STON2: variants seen among roughly 807,000 people sequenced by gnomAD.
The protein encoded by STON2 is stonin 2, also known as stonin-2.
In STON2, 29 loss-of-function variants were observed where a neutral mutation model predicts 65.7. The observed-to-expected ratio is 0.44, with a 90% CI of 0.33 to 0.60. The LOEUF is 0.60. STON2 is among the 20% of genes least tolerant of loss of function. The probability of loss-of-function intolerance (pLI) is 0.03; values close to 1 mark genes in which losing one functional copy is unlikely to be tolerated. For synonymous variants in STON2, 404 were observed against 414.2 expected (o/e 0.98, Z 0.30); for missense variants, 1,054 against 1,118.1 (o/e 0.94, Z 0.82).
intron 5 of STON2, among the ~76,000 whole-genome samples, chr14:81,310,049 T>TA (rs1482274735): frequency 6.6e-6 from 1 of 152,180 alleles, no homozygotes; most frequent in African/African-American, 2.4e-5. Flanking sequence ...TTCCACACTT[T>TA]AAAGTGAGGG....
chr14:81,360,805 A>G (rs1017706581), intron 4 of STON2, among the ~76,000 whole-genome samples: 4 of 152,194 alleles, frequency 2.6e-5, no homozygotes, highest in Non-Finnish European at 4.4e-5. Flanking sequence ...GTTATAACTA[A>G]TAAACATACA....
At chr14:81,414,989 A>G (rs1055763014) in intron 2 of STON2, among the ~76,000 whole-genome samples, 2 of 152,078 alleles carry the variant, frequency 1.3e-5, no homozygotes, top group Non-Finnish European at 2.9e-5. Context: ...AAAGGGGCTA[A>G]GGGCTCTGGG....
chr14:81,416,069 A>C (rs1454811011), intron 2 of STON2, among the ~76,000 whole-genome samples: 1 of 152,166 alleles, frequency 6.6e-6, no homozygotes, highest in African/African-American at 2.4e-5. Flanking sequence ...TCAGAGCACA[A>C]GCTCTTCGGG....
chr14:81,285,782 T>C (rs1895308286), intron 5 of STON2, among the ~76,000 whole-genome samples: 1 of 152,300 alleles, frequency 6.6e-6, no homozygotes, highest in East Asian at 1.9e-4. Context: ...GACAGGATCA[T>C]TTATACCCCA....
intron 2 of STON2, among the ~76,000 whole-genome samples, chr14:81,424,243 A>G (rs918959615): frequency 6.6e-6 from 1 of 152,138 alleles, no homozygotes; most frequent in African/African-American, 2.4e-5. Flanking sequence ...CAGGAGTTTG[A>G]GACCAGCCTG....
intron 3 of STON2, among the ~76,000 whole-genome samples, chr14:81,375,047 A>G (rs1340934641): frequency 6.6e-6 from 1 of 152,198 alleles, no homozygotes; most frequent in African/African-American, 2.4e-5. Flanking sequence ...CCAGAGCAGG[A>G]GAAGCCAATG....
rs531057693 is a variant in STON2, at chr14:81,350,022, A to G, written c.571+20966T>C. Among the ~76,000 whole-genome samples, 55 of 152,260 alleles carry G rather than the reference A, an allele frequency of 3.6e-4. 1 individual carries two copies. The highest frequency in any genetic ancestry group is 1.2e-3 in the African/African-American group (50 of 41,584). On this transcript the variant is annotated intron_variant, in intron 4 of 7. Coordinates refer to ENST00000614646, the MANE Select transcript of STON2 (RefSeq NM_001394390.1). The stretch of plus-strand genomic sequence containing the variant: ...TTCTCACTCATTTGTGGGAGCTGAA[A>G]AAGTTGATCTCATGGAGGTAGTGAG...
At chr14:81,397,043 A>C (rs1900359234) in intron 2 of STON2, among the ~76,000 whole-genome samples, 1 of 152,176 alleles carries the variant, frequency 6.6e-6, no homozygotes, top group Non-Finnish European at 1.5e-5. Context: ...GGGCAACAAG[A>C]GCGAAACTCC....
chr14:81,298,982 A>G (rs578139230), intron 5 of STON2, among the ~76,000 whole-genome samples: 16 of 152,334 alleles, frequency 1.1e-4, no homozygotes, highest in African/African-American at 3.6e-4. Flanking sequence ...AAAAGTACCC[A>G]AAGTCCCACC....
intron 5 of STON2, among the ~76,000 whole-genome samples, chr14:81,298,965 C>G (rs1006230140): frequency 2.6e-5 from 4 of 152,076 alleles, no homozygotes; most frequent in South Asian, 4.1e-4. Flanking sequence ...GACAAGAGAA[C>G]GACATAAAAA....
chr14:81,377,719 C>T (rs1403835891), intron 3 of STON2, among the ~76,000 whole-genome samples: 2 of 152,170 alleles, frequency 1.3e-5, no homozygotes. Context: ...AATAGATGTG[C>T]AGTGAAAGGA....
At chr14:81,435,840 G>A (rs1443208998) in intron 1 of STON2, among the ~76,000 whole-genome samples, 1 of 152,182 alleles carries the variant, frequency 6.6e-6, no homozygotes, top group East Asian at 1.9e-4. Context: ...GCTGTCCAGC[G>A]GGCAGAGCGC....
At chr14:81,370,770 A>C (rs973198210) in intron 4 of STON2, among the ~76,000 whole-genome samples, 5 of 152,248 alleles carry the variant, frequency 3.3e-5, no homozygotes, top group African/African-American at 9.6e-5. Flanking sequence ...ATGGTTGCCG[A>C]GTATGAATAA....
Position 81,350,641 on chromosome 14 carries a change from C to T in STON2, c.571+20347G>A, listed in dbSNP as rs376284653. Among the ~76,000 whole-genome samples the T allele has an allele frequency of 2.7e-4, 41 of 152,158 alleles. 1 individual carries two copies. Among genetic ancestry groups the T allele is most frequent in the Admixed American group, 9.2e-4 (14 of 15,270 alleles). On this transcript the variant is annotated intron_variant, in intron 4 of 7. Transcript: ENST00000614646. ...ACTTCTAGGCCTTGGCTTTCTTACC[C>T]GTAAAATGTGGAAATTCGACTAAAT...
At chr14:81,402,577 T>A (rs1226962893), upstream of STON2, among the ~76,000 whole-genome samples, 1 of 152,068 alleles carries the variant, frequency 6.6e-6, no homozygotes, top group Non-Finnish European at 1.5e-5. Flanking sequence ...GCACAGGCAC[T>A]CAGGAAGGGG....
At chr14:81,427,590 C>T (rs975175371) in intron 1 of STON2, among the ~76,000 whole-genome samples, 1 of 152,058 alleles carries the variant, frequency 6.6e-6, no homozygotes, top group Non-Finnish European at 1.5e-5. Context: ...CAGCACAGCC[C>T]CGCCTATGCC....
intron 4 of STON2, among the ~76,000 whole-genome samples, chr14:81,336,452 C>T (rs1405674340): frequency 6.6e-6 from 1 of 151,998 alleles, no homozygotes; most frequent in Non-Finnish European, 1.5e-5. Context: ...CATACCATAA[C>T]ACAGGAGTAC....
chr14:81,300,537 C>T (rs1895932380), intron 5 of STON2, among the ~76,000 whole-genome samples: 1 of 152,026 alleles, frequency 6.6e-6, no homozygotes, highest in Non-Finnish European at 1.5e-5. Context: ...AAAATACAAA[C>T]ACCTCAGTAG....
intron 4 of STON2, among the ~76,000 whole-genome samples, chr14:81,347,863 C>A (rs975282712): frequency 2.4e-5 from 3 of 123,582 alleles, no homozygotes; most frequent in Non-Finnish European, 4.8e-5. Context: ...AAGCTATGAT[C>A]GTGCCATTGC....
Sources: allele counts gnomAD v4.1 joint callset (sites outside exome capture counted in the v4.1 genomes callset), GRCh38; gene constraint gnomAD v4.1.1; transcripts MANE v1.5; gene names NCBI Gene and HGNC (gene_info 2026-07-23, HGNC 2026-07-21).